The following KIRREL3 variants were observed in gnomAD, a reference collection of about 807,000 sequenced individuals.
KIRREL3 encodes the protein kin of IRRE-like protein 3.
KIRREL3 carries 36 observed loss-of-function variants against 89.7 expected under a neutral mutation model. That is an observed-to-expected ratio of 0.40 (90% confidence interval 0.31 to 0.53). The LOEUF is 0.53. Among genes scored for constraint, KIRREL3 ranks in the 20% least tolerant of loss-of-function variants. The pLI is 0.49. For missense variants in KIRREL3, 864 were observed against 1,056.6 expected, an observed-to-expected ratio of 0.82 and a Z score of 2.53; for synonymous variants, 445 against 441.4, an observed-to-expected ratio of 1.01 and a Z score of -0.10.
In KIRREL3 at chr11:126,807,189, G is replaced by A. The variant is rs1951230408; in HGVS notation, c.55+193266C>T. ...AAGGGAGGTAGGCTGACTGCCCCAG[G>A]CCCCACCTCCTGCTAACATTTTATT... On this transcript the variant is annotated intron_variant, in intron 1 of 16. Coordinates refer to ENST00000525144, the MANE Select transcript of KIRREL3 (RefSeq NM_032531.4). The surrounding 1 kb of genome is among the most constrained non-coding windows in gnomAD (Gnocchi z 4.3). Among the ~76,000 whole-genome samples, 1 of 152,154 alleles carries A rather than the reference G, an allele frequency of 6.6e-6. No individual in the cohort carries two copies. The highest frequency in any genetic ancestry group is 2.4e-5 in the African/African-American group (1 of 41,434).
rs1591436873 is a variant in KIRREL3 at position 126,991,050 on chromosome 11, G to C, written c.55+9405C>G. On this transcript the variant is annotated intron_variant, in intron 1 of 16. Transcript: ENST00000525144. The surrounding 1 kb of genome is among the most constrained non-coding windows in gnomAD (Gnocchi z 5.8). The stretch of plus-strand genomic sequence containing the variant: ...CGAGTCACCTGTGACATTTGCAGGT[G>C]ACTGACAGAAATGGGCACTGACATG... Among the ~76,000 whole-genome samples the C allele has an allele frequency of 1.3e-5, 2 of 152,328 alleles. No individual in the cohort carries two copies. The highest frequency in any genetic ancestry group is 1.3e-4 in the Admixed American group (2 of 15,304).
At position 126,639,680 on chromosome 11, in the gene KIRREL3, G is replaced by A. The variant is rs1944396517; in HGVS notation, c.56-76768C>T. Among the ~76,000 whole-genome samples, 1 of 152,196 alleles carries A rather than the reference G, an allele frequency of 6.6e-6. No homozygotes were observed. Among genetic ancestry groups the A allele is most frequent in the African/African-American group, 2.4e-5 (1 of 41,448 alleles). ...TTGTACAATTAATATTCTCCCTGGT[G>A]TTGATTTTGTTCAAATATATTGGGC... On this transcript the variant is annotated intron_variant, in intron 1 of 16. Transcript: ENST00000525144. This position sits in a 1 kb window ranked among gnomAD's most constrained non-coding sequence, Gnocchi z 4.3.
At chr11:126,466,006 C>G (rs1956711488) in intron 5 of KIRREL3, among the ~76,000 whole-genome samples, 1 of 152,154 alleles carries the variant, frequency 6.6e-6, no homozygotes, top group Admixed American at 6.5e-5. Flanking sequence ...TAACAAGGGA[C>G]ATTTACATAA....
In KIRREL3 at chr11:126,811,538, C is replaced by T. The variant is rs914336147; in HGVS notation, c.55+188917G>A. 3.3e-5 allele frequency among the ~76,000 whole-genome samples: 5 copies of T among 152,226 alleles called. No individual in the cohort carries two copies. The highest frequency in any genetic ancestry group is 9.7e-5 in the African/African-American group (4 of 41,450). On this transcript the variant is annotated intron_variant, in intron 1 of 16. Transcript: ENST00000525144. This position sits in a 1 kb window ranked among gnomAD's most constrained non-coding sequence, Gnocchi z 4.3. ...CATTGGACGGGGACGGTGCCAGCTA[C>T]AGCTGACCCTTCCCTCACAGCATGC... is the stretch of plus-strand genomic sequence containing the variant.
rs1939168954 is a variant in KIRREL3, at chr11:126,550,476, GT to G, written c.133+12358del. ...AGCCTGCCCAACATGGCGAAACCCTGTTTCTACTAAACATACAAAAAATCAG... is the reference window on the plus strand; with the variant it reads ...AGCCTGCCCAACATGGCGAAACCCTGTTCTACTAAACATACAAAAAATCAG... On this transcript the variant is annotated intron_variant, in intron 2 of 16. Transcript: ENST00000525144. The surrounding 1 kb of genome is among the most constrained non-coding windows in gnomAD (Gnocchi z 4.9). 6.6e-6 allele frequency: 1 copy of G among 152,146 alleles called. No individual in the cohort carries two copies. Among genetic ancestry groups the G allele is most frequent in the African/African-American group, 2.4e-5 (1 of 41,398 alleles). 9.4% of individuals were successfully genotyped at this position (152,146 alleles called of 1,614,324 possible). A position where few individuals can be genotyped will look rare whatever the true frequency, so the allele number is the denominator to read the frequency against.
chr11:126,707,726 T>G (rs1336351398), intron 1 of KIRREL3, among the ~76,000 whole-genome samples: 1 of 152,196 alleles, frequency 6.6e-6, no homozygotes, highest in Non-Finnish European at 1.5e-5. Context: ...TGTGGATTCT[T>G]CTCAGCACTT....
chr11:126,650,751 G>C (rs1944876571), intron 1 of KIRREL3, among the ~76,000 whole-genome samples: 1 of 152,142 alleles, frequency 6.6e-6, no homozygotes, highest in African/African-American at 2.4e-5. Flanking sequence ...CTGTTGCCAA[G>C]TTCCAAAGTC....
In KIRREL3 at chr11:126,969,205, G is replaced by T. The variant is rs1021955439; in HGVS notation, c.55+31250C>A. On this transcript the variant is annotated intron_variant, in intron 1 of 16. Transcript: ENST00000525144. The surrounding 1 kb of genome is among the most constrained non-coding windows in gnomAD (Gnocchi z 4.9). Reference sequence around the variant, plus strand: ...TGGGGCAAAAGAGTCCGTAGATACCGCAGTCAAGGGGCGATTCACTCCATT... The same window carrying T: ...TGGGGCAAAAGAGTCCGTAGATACCTCAGTCAAGGGGCGATTCACTCCATT... Among the ~76,000 whole-genome samples, 1 of 152,066 alleles carries T rather than the reference G, an allele frequency of 6.6e-6. No individual in the cohort carries two copies. Among genetic ancestry groups the T allele is most frequent in the Non-Finnish European group, 1.5e-5 (1 of 68,020 alleles).
intron 1 of KIRREL3, among the ~76,000 whole-genome samples, chr11:126,667,750 TAGAGGCACTAATTTA>T (rs1378672645): frequency 1.3e-5 from 2 of 152,208 alleles, no homozygotes; most frequent in South Asian, 2.1e-4. Context: ...AGTGTGTGTG[TAGAGGCACTAATTTA>T]AGAACAAAAA....
intron 1 of KIRREL3, among the ~76,000 whole-genome samples, chr11:126,794,954 C>G (rs1181294541): frequency 6.6e-6 from 1 of 152,184 alleles, no homozygotes; most frequent in Non-Finnish European, 1.5e-5. Context: ...ACATGGACAA[C>G]TTAAATGCAC....
At chr11:126,923,187 C>CTTCTCTTCTTCTTCTTCTTCT (rs1555090325) in intron 1 of KIRREL3, among the ~76,000 whole-genome samples, 1 of 23,818 alleles carries the variant, frequency 4.2e-5, no homozygotes, top group African/African-American at 2.3e-4. Context: ...TCTTCTTCTT[C>CTTCTCTTCTTCTTCTTCTTCT]TCTTCTTCTT....
rs116155980 is a variant in KIRREL3, at chr11:126,516,006, T to C, written c.433+5309A>G. Among the ~76,000 whole-genome samples the C allele has an allele frequency of 3.8e-3, 584 of 152,154 alleles. 5 individuals are homozygous for C. Among genetic ancestry groups the C allele is most frequent in the African/African-American group, 0.014 (562 of 41,522 alleles). On this transcript the variant is annotated intron_variant, in intron 4 of 16. Transcript: ENST00000525144. This position sits in a 1 kb window ranked among gnomAD's most constrained non-coding sequence, Gnocchi z 4.9. ...CCCCAGAAGATTCATGGATGGGAGA[T>C]TGGGGGAGGCTGCCAACGCGGTGGG...
rs1943693487 is a variant in KIRREL3 at position 126,624,331 on chromosome 11, T to C, written c.56-61419A>G. Among the ~76,000 whole-genome samples the C allele has an allele frequency of 6.6e-6, 1 of 152,072 alleles. No homozygotes were observed. The highest frequency in any genetic ancestry group is 6.5e-5 in the Admixed American group (1 of 15,268). On this transcript the variant is annotated intron_variant, in intron 1 of 16. Transcript: ENST00000525144. The surrounding 1 kb of genome is among the most constrained non-coding windows in gnomAD (Gnocchi z 6.0). The stretch of plus-strand genomic sequence containing the variant: ...TCTTGTCTTCTCCTCTGATTTCCAC[T>C]AGGAAAAAACAAAACAAAACAAAAC...
chr11:126,570,201 A>G lies in KIRREL3; in HGVS notation c.56-7289T>C, dbSNP rs1283202731. Among the ~76,000 whole-genome samples, 4 of 152,212 alleles carry G rather than the reference A, an allele frequency of 2.6e-5. No individual in the cohort carries two copies. On this transcript the variant is annotated intron_variant, in intron 1 of 16. Transcript: ENST00000525144. The surrounding 1 kb of genome is among the most constrained non-coding windows in gnomAD (Gnocchi z 6.1). ...ATTGCTTGCTAATTCTAAGTTTACT[A>G]AATAACTATAAACTTTACGTTGTTG... is the stretch of plus-strand genomic sequence containing the variant.
intron 1 of KIRREL3, among the ~76,000 whole-genome samples, chr11:126,952,158 G>A (rs1438652641): frequency 6.6e-6 from 1 of 152,204 alleles, no homozygotes. Flanking sequence ...GGCCGAGGCC[G>A]GTGGATCACC....
intron 1 of KIRREL3, among the ~76,000 whole-genome samples, chr11:126,818,624 A>AGTGTGTGTGT (rs758712840): frequency 7.1e-5 from 4 of 56,658 alleles, no homozygotes; most frequent in Non-Finnish European, 1.3e-4. Flanking sequence ...TAGTAGTAGT[A>AGTGTGTGTGT]GTGTGTGTGT....
At position 126,999,395 on chromosome 11, in the gene KIRREL3, G is replaced by T. The variant is rs943545655; in HGVS notation, c.55+1060C>A. On this transcript the variant is annotated intron_variant, in intron 1 of 16. Transcript: ENST00000525144. This position sits in a 1 kb window ranked among gnomAD's most constrained non-coding sequence, Gnocchi z 5.7. Reference sequence around the variant, plus strand: ...GGGAGAAACAGAAGACATGCTGTTTGCTTGCAAAGCCAGCCACCCATGGCA... The same window carrying T: ...GGGAGAAACAGAAGACATGCTGTTTTCTTGCAAAGCCAGCCACCCATGGCA... Among the ~76,000 whole-genome samples the T allele has an allele frequency of 2.0e-5, 3 of 152,232 alleles. No individual in the cohort carries two copies. The highest frequency in any genetic ancestry group is 7.2e-5 in the African/African-American group (3 of 41,458).
chr11:126,921,325 A>T (rs905182620), intron 1 of KIRREL3, among the ~76,000 whole-genome samples: 2 of 152,162 alleles, frequency 1.3e-5, no homozygotes, highest in African/African-American at 4.8e-5. Context: ...AAGGTTTATC[A>T]TGGGACTTCT....
In KIRREL3 at chr11:126,623,052, T is replaced by A. The variant is rs1943637313; in HGVS notation, c.56-60140A>T. Among the ~76,000 whole-genome samples, 1 of 152,174 alleles carries A rather than the reference T, an allele frequency of 6.6e-6. No homozygotes were observed. The highest frequency in any genetic ancestry group is 6.5e-5 in the Admixed American group (1 of 15,282). ...GACTCTTAATTACACTAATATGATA[T>A]TTACAATTTACAAAGCGTTATCCAC... is the stretch of plus-strand genomic sequence containing the variant. On this transcript the variant is annotated intron_variant, in intron 1 of 16. Transcript: ENST00000525144. This position sits in a 1 kb window ranked among gnomAD's most constrained non-coding sequence, Gnocchi z 4.1.
Sources: gnomAD v4.1 joint callset for allele counts (sites outside exome capture counted in the v4.1 genomes callset) on GRCh38, gnomAD v4.1.1 for gene constraint, Gnocchi (gnomAD v3.1) non-coding constraint, MANE v1.5 for transcripts, NCBI Gene and HGNC (gene_info 2026-07-23, HGNC 2026-07-21) for gene names.